The following CFAP54 variants were observed in gnomAD, a reference collection of about 807,000 sequenced individuals.
The protein encoded by CFAP54 is cilia and flagella associated protein 54, also known as cilia- and flagella-associated protein 54.
A neutral mutation model predicts 370.4 loss-of-function variants in CFAP54; 290 were observed. The ratio of observed to expected loss-of-function variants is 0.78; its 90% CI spans 0.71 to 0.86. CFAP54 has a LOEUF of 0.86. CFAP54 is among the 40% of genes least tolerant of loss of function. CFAP54 has a pLI of 0.00. For missense variants in CFAP54, 3,399 were observed against 3,528.7 expected (o/e 0.96, Z 0.93); for synonymous variants, 1,206 against 1,236.5 (o/e 0.98, Z 0.52).
At chr12:96,566,802 A>G (rs1366801120) in intron 19 of CFAP54, among the ~76,000 whole-genome samples, 4 of 152,164 alleles carry the variant, frequency 2.6e-5, no homozygotes, top group Non-Finnish European at 5.9e-5. Context: ...GCAATTATGT[A>G]TTGGAAGTTC....
chr12:96,493,648 A>G (rs2136341199), intron 1 of CFAP54, among the ~76,000 whole-genome samples: 1 of 152,296 alleles, frequency 6.6e-6, no homozygotes, highest in South Asian at 2.1e-4. Context: ...AATACAAAAA[A>G]TTAGTCGGGC....
Position 96,513,044 on chromosome 12 carries a change from G to C in CFAP54, c.798G>C (p.Lys266Asn), listed in dbSNP as rs1955190361. The C allele has an allele frequency of 6.7e-7, 1 of 1,494,188 alleles. No homozygotes were observed. Among genetic ancestry groups the C allele is most frequent in the Non-Finnish European group, 8.9e-7 (1 of 1,123,104 alleles). The allele number at this position is 1,494,188 out of a possible 1,614,324, so 92.6% of individuals were successfully genotyped here. The change falls in exon 5 of 68, where the codon AAG becomes AAC. Residue 266 changes from lysine (K) to asparagine (N), a missense_variant and splice_region_variant. Physicochemically the swap from Lys to Asn is moderately conservative, Grantham distance 94. This residue lies in a region of CFAP54 where 559 missense variants were observed against 576.7 expected (regional missense o/e 0.97). Coordinates refer to ENST00000524981, the MANE Select transcript of CFAP54 (RefSeq NM_001306084.2). ...RKLMVIGQSS[K>N]ALEYLLWASM... is the part of the protein sequence containing the mutation. ...TGATGGTCATAGGTCAGTCTTCCAA[G>C]GTATGAAATGTACTGACAAAATATT...
rs1163983602 is a variant in CFAP54 at position 96,688,360 on chromosome 12, G to A, written c.6015-556G>A. On this transcript the variant is annotated intron_variant, in intron 42 of 67. Transcript: ENST00000524981. ...AGTCTTTAGGGGGAATTATTTAACC[G>A]CACTCATCAAAAGCCTTTACTGTGC... 2.0e-5 allele frequency among the ~76,000 whole-genome samples: 3 copies of A among 152,096 alleles called. No individual in the cohort carries two copies. In the East Asian group the frequency reaches 5.8e-4, roughly 29 times the overall value.
chr12:96,811,669 G>C, intron 63 of CFAP54, 67 bp from the exon 64 acceptor site: 1 of 796,172 alleles, frequency 1.3e-6, no homozygotes, highest in Non-Finnish European at 1.9e-6. Context: ...GTGAACTAAT[G>C]CTGTAGTTTT....
At chr12:96,578,833 T>C (rs1425315041) in intron 20 of CFAP54, among the ~76,000 whole-genome samples, 1 of 152,222 alleles carries the variant, frequency 6.6e-6, no homozygotes, top group Non-Finnish European at 1.5e-5. Context: ...ACTTTTGTAG[T>C]TGAAAATGCT....
At chr12:96,815,272 C>G (rs967285508) in intron 64 of CFAP54, among the ~76,000 whole-genome samples, 1 of 152,052 alleles carries the variant, frequency 6.6e-6, no homozygotes, top group African/African-American at 2.4e-5. Context: ...TGGTATCTCA[C>G]TGTGGTTTTG....
chr12:96,673,672 C>T (rs1957172842), intron 39 of CFAP54, among the ~76,000 whole-genome samples: 1 of 152,138 alleles, frequency 6.6e-6, no homozygotes, highest in South Asian at 2.1e-4. Flanking sequence ...TTATGTATGT[C>T]ATCACCCTGA....
At chr12:96,671,820 G>A (rs1957149593) in intron 39 of CFAP54, among the ~76,000 whole-genome samples, 1 of 152,160 alleles carries the variant, frequency 6.6e-6, no homozygotes, top group Non-Finnish European at 1.5e-5. Flanking sequence ...TACTCGGGAG[G>A]CTGAGGAAGG....
At chr12:96,634,633 G>C (rs1093242) in intron 32 of CFAP54, among the ~76,000 whole-genome samples, 1 of 151,926 alleles carries the variant, frequency 6.6e-6, no homozygotes, top group Admixed American at 6.6e-5. Context: ...CCTTTAATGG[G>C]TTGTGCTTTT....
chr12:96,849,122 A>G (rs942296256), intron 66 of CFAP54, among the ~76,000 whole-genome samples: 1 of 152,226 alleles, frequency 6.6e-6, no homozygotes, highest in African/African-American at 2.4e-5. Context: ...CCCAGTCTAG[A>G]AAAAAATCCA....
rs546808239 is a variant in CFAP54, at chr12:96,641,501, T to A, written c.4317-2677T>A. Among the ~76,000 whole-genome samples the A allele has an allele frequency of 3.8e-3, 564 of 149,492 alleles. 4 individuals carry two copies. The highest frequency in any genetic ancestry group is 0.013 in the African/African-American group (522 of 38,888). ...GGTGGGACTGTAAACTAGTTCAACC[T>A]TTGTGGAAGTCAGTGTGGCGATTCC... On this transcript the variant is annotated intron_variant, in intron 32 of 67. Transcript: ENST00000524981.
At chr12:96,784,345 T>C (rs1958608774) in intron 60 of CFAP54, among the ~76,000 whole-genome samples, 1 of 152,172 alleles carries the variant, frequency 6.6e-6, no homozygotes, top group African/African-American at 2.4e-5. Flanking sequence ...TTTCTAATTT[T>C]TAGTGATGCT....
chr12:96,836,008 G>T (rs1241382236), intron 66 of CFAP54, among the ~76,000 whole-genome samples: 1 of 152,194 alleles, frequency 6.6e-6, no homozygotes, highest in Non-Finnish European at 1.5e-5. Context: ...AGAGCCCTAA[G>T]TGACATGGTA....
At chr12:96,589,377 C>T (rs1371754163) in intron 22 of CFAP54, 50 bp from the exon 23 acceptor site, 1 of 1,374,516 alleles carries the variant, frequency 7.3e-7, no homozygotes, top group African/African-American at 1.4e-5. Context: ...TTGTTTAAAA[C>T]ATTCATTCAC....
At chr12:96,805,645 T>C (rs1370452767) in intron 63 of CFAP54, among the ~76,000 whole-genome samples, 2 of 151,318 alleles carry the variant, frequency 1.3e-5, no homozygotes, top group Non-Finnish European at 2.9e-5. Context: ...TTGGTGGGAA[T>C]GTAAATTAGT....
At chr12:96,818,364 A>G (rs1958998973) in intron 65 of CFAP54, among the ~76,000 whole-genome samples, 1 of 152,200 alleles carries the variant, frequency 6.6e-6, no homozygotes, top group Non-Finnish European at 1.5e-5. Context: ...TCCGTATAGT[A>G]TGCTATTAAG....
chr12:96,858,548 G>A (rs543928936), intron 66 of CFAP54, among the ~76,000 whole-genome samples: 149 of 152,190 alleles, frequency 9.8e-4, no homozygotes, highest in African/African-American at 3.5e-3. Context: ...TAGTGTCTTT[G>A]TCATGAGACC....
intron 44 of CFAP54, among the ~76,000 whole-genome samples, chr12:96,692,270 A>G (rs1211356103): frequency 6.6e-6 from 1 of 152,204 alleles, no homozygotes; most frequent in Non-Finnish European, 1.5e-5. Context: ...AAAAATAACA[A>G]AATGGTGCCC....
At chr12:96,675,620 T>C (rs1957196749) in intron 39 of CFAP54, among the ~76,000 whole-genome samples, 1 of 152,156 alleles carries the variant, frequency 6.6e-6, no homozygotes, top group African/African-American at 2.4e-5. Flanking sequence ...ATCATGCTGC[T>C]ATAAAGACAC....
Sources: gnomAD v4.1 joint callset for allele counts (sites outside exome capture counted in the v4.1 genomes callset) on GRCh38, gnomAD v4.1.1 for gene constraint, gnomAD v4.1.1 regional missense constraint, MANE v1.5 for transcripts, NCBI Gene and HGNC (gene_info 2026-07-23, HGNC 2026-07-21) for gene names.